Variants in SPAG9 observed in about 807,000 individuals in gnomAD.
SPAG9 encodes the protein sperm associated antigen 9, also known as C-Jun-amino-terminal kinase-interacting protein 4.
SPAG9 carries 35 observed loss-of-function variants against 166.5 expected under a neutral mutation model. The ratio of observed to expected loss-of-function variants is 0.21; its 90% CI spans 0.16 to 0.28. The LOEUF (loss-of-function observed/expected upper bound fraction) is 0.28. Among genes scored for constraint, SPAG9 ranks in the 10% least tolerant of loss-of-function variants. The pLI is 1.00. For missense variants in SPAG9, 1,235 were observed against 1,603.3 expected, an observed-to-expected ratio of 0.77 and a Z score of 3.92; for synonymous variants, 534 against 565.5, an observed-to-expected ratio of 0.94 and a Z score of 0.79.
chr17:51,076,423 T>C lies in SPAG9; in HGVS notation c.424+3161A>G, dbSNP rs533205662. Among the ~76,000 whole-genome samples, 3 of 149,610 alleles carry C rather than the reference T, an allele frequency of 2.0e-5. No individual in the cohort carries two copies. In the East Asian group the frequency reaches 6.0e-4, roughly 30 times the overall value. Reference sequence around the variant, plus strand: ...CAGAGTGAGATCCGGTTTCAATAAATAATAATTTCTTATTGAAAACTTGGT... The same window carrying C: ...CAGAGTGAGATCCGGTTTCAATAAACAATAATTTCTTATTGAAAACTTGGT... On this transcript the variant is annotated intron_variant, in intron 2 of 29. Coordinates refer to ENST00000262013, the MANE Select transcript of SPAG9 (RefSeq NM_001130528.3).
At chr17:51,002,129 C>A (rs2044981207) in intron 12 of SPAG9, among the ~76,000 whole-genome samples, 1 of 152,122 alleles carries the variant, frequency 6.6e-6, no homozygotes, top group Admixed American at 6.5e-5. Context: ...AATCTGCCCA[C>A]CCCAGCCTCC....
chr17:51,008,930 A>G (rs1389982352), intron 9 of SPAG9, among the ~76,000 whole-genome samples: 4 of 152,186 alleles, frequency 2.6e-5, no homozygotes, highest in Non-Finnish European at 5.9e-5. Flanking sequence ...AAGAATGTAG[A>G]CTGGTTGAAA....
chr17:51,095,744 T>C (rs1241077586), intron 1 of SPAG9, among the ~76,000 whole-genome samples: 1 of 147,068 alleles, frequency 6.8e-6, no homozygotes. Flanking sequence ...ATACATATAG[T>C]GATATATATA....
intron 2 of SPAG9, among the ~76,000 whole-genome samples, chr17:51,061,886 AAC>A (rs1222989683): frequency 6.6e-6 from 1 of 152,180 alleles, no homozygotes; most frequent in Non-Finnish European, 1.5e-5. Flanking sequence ...TCCATTTGGC[AAC>A]ACAGTCTTAC....
chr17:51,117,459 C>T (rs902106308), intron 1 of SPAG9, among the ~76,000 whole-genome samples: 21 of 152,264 alleles, frequency 1.4e-4, no homozygotes, highest in African/African-American at 5.1e-4. Flanking sequence ...TGCCTGTAAT[C>T]CCAGCACTTT....
intron 29 of SPAG9, among the ~76,000 whole-genome samples, chr17:50,967,207 A>C (rs1422768721): frequency 1.3e-5 from 2 of 152,240 alleles, no homozygotes; most frequent in Admixed American, 6.5e-5. Context: ...GTCACAGAGC[A>C]GGGTTATTTT....
chr17:51,015,985 A>C (rs1202177580), intron 8 of SPAG9, among the ~76,000 whole-genome samples: 1 of 152,104 alleles, frequency 6.6e-6, no homozygotes, highest in African/African-American at 2.4e-5. Flanking sequence ...CAGTATCATT[A>C]ATTTTTAAAA....
chr17:51,063,676 G>T (rs934205801), intron 2 of SPAG9, among the ~76,000 whole-genome samples: 1 of 152,116 alleles, frequency 6.6e-6, no homozygotes. Flanking sequence ...CTGAGGTCAG[G>T]AGTTGGAGAC....
At chr17:51,105,894 T>G (rs1276836425) in intron 1 of SPAG9, among the ~76,000 whole-genome samples, 3 of 151,602 alleles carry the variant, frequency 2.0e-5, no homozygotes, top group Non-Finnish European at 4.4e-5. Context: ...GAAAAAACAC[T>G]TAAAGCTTAA....
chr17:51,000,757 ATAAATAAAT>A (rs1168329853), intron 13 of SPAG9, among the ~76,000 whole-genome samples: 1 of 11,984 alleles, frequency 8.3e-5, no homozygotes, highest in Non-Finnish European at 1.8e-4. Context: ...AAATGAATGA[ATAAATAAAT>A]AAATAAATAA....
intron 11 of SPAG9, among the ~76,000 whole-genome samples, chr17:51,005,828 G>C (rs2045193673): frequency 6.6e-6 from 1 of 152,240 alleles, no homozygotes; most frequent in Non-Finnish European, 1.5e-5. Flanking sequence ...TCCAGCCTGG[G>C]CAACAGGAGT....
Position 51,041,643 on chromosome 17 carries a change from C to T in SPAG9, c.599G>A (p.Arg200His), listed in dbSNP as rs139684309. Residue 200 changes from arginine (R) to histidine (H), a missense_variant, in exon 5 of 30, where the codon CGC becomes CAC. Arg to His is a conservative substitution (Grantham distance 29, BLOSUM62 0). Coordinates refer to ENST00000262013, the MANE Select transcript of SPAG9 (RefSeq NM_001130528.3). ...STAHSRIRKERPISLGIFPLP... is the reference protein window; with the variant it reads ...STAHSRIRKEHPISLGIFPLP... ...TGGGAAAATTCCTAATGATATAGGG[C>T]GTTCTTTTCTATTTGAAGAGGGGAG... The T allele has an allele frequency of 1.0e-5, 16 of 1,607,640 alleles. No individual in the cohort carries two copies. Among genetic ancestry groups the T allele is most frequent in the African/African-American group, 6.7e-5 (5 of 74,598 alleles).
At chr17:50,976,952 T>C in intron 27 of SPAG9, 156 bp downstream of exon 27, 1 of 564,792 alleles carries the variant, frequency 1.8e-6, no homozygotes, top group Middle Eastern at 4.7e-4. Flanking sequence ...GAAAACTTAT[T>C]TTCCTAGAAT....
chr17:51,007,176 A>T, intron 10 of SPAG9, 93 bp downstream of exon 10: 1 of 662,286 alleles, frequency 1.5e-6, no homozygotes. Flanking sequence ...GGACAGGGAG[A>T]TTCCATTAGT....
At chr17:51,064,801 A>C (rs2047614587) in intron 2 of SPAG9, among the ~76,000 whole-genome samples, 1 of 152,160 alleles carries the variant, frequency 6.6e-6, no homozygotes, top group African/African-American at 2.4e-5. Context: ...AAATTGTACT[A>C]AAAACCGCTG....
chr17:51,075,219 A>AAAAAAG (rs2047936339), intron 2 of SPAG9, among the ~76,000 whole-genome samples: 1 of 147,930 alleles, frequency 6.8e-6, no homozygotes, highest in Non-Finnish European at 1.5e-5. Flanking sequence ...AAAAAAAAAA[A>AAAAAAG]AAGAAGAAGA....
chr17:51,044,610 A>C (rs2046955149), intron 4 of SPAG9, among the ~76,000 whole-genome samples: 1 of 152,226 alleles, frequency 6.6e-6, no homozygotes, highest in African/African-American at 2.4e-5. Flanking sequence ...TTGAACACTC[A>C]CCACGTGGTG....
chr17:51,003,718 T>C (rs1347182971), intron 12 of SPAG9, among the ~76,000 whole-genome samples: 4 of 152,198 alleles, frequency 2.6e-5, no homozygotes, highest in Non-Finnish European at 5.9e-5. Flanking sequence ...AGAAAGACAC[T>C]AAGCTTAGCC....
intron 3 of SPAG9, among the ~76,000 whole-genome samples, chr17:51,048,589 C>A (rs2047094914): frequency 6.6e-6 from 1 of 151,678 alleles, no homozygotes; most frequent in African/African-American, 2.4e-5. Context: ...AAAATATGCA[C>A]TGTAGCATAT....
Sources: allele counts gnomAD v4.1 joint callset (sites outside exome capture counted in the v4.1 genomes callset), GRCh38; gene constraint gnomAD v4.1.1; transcripts MANE v1.5; gene names NCBI Gene and HGNC (gene_info 2026-07-23, HGNC 2026-07-21).